Variants in VWA8 observed in about 807,000 individuals in gnomAD.
The protein encoded by VWA8 is von Willebrand factor A domain containing 8.
In VWA8, 221 loss-of-function variants were observed where a neutral mutation model predicts 241.5. The ratio of observed to expected loss-of-function variants is 0.91; its 90% CI spans 0.82 to 1.02. VWA8 has a LOEUF of 1.02. Ranked by LOEUF, VWA8 falls within the 50% of genes least tolerant of loss-of-function variation. VWA8 has a pLI of 0.00. For missense variants in VWA8, 2,322 were observed against 2,328.7 expected, an observed-to-expected ratio of 1.00 and a Z score of 0.06; for synonymous variants, 852 against 827.1, an observed-to-expected ratio of 1.03 and a Z score of -0.52.
intron 39 of VWA8, among the ~76,000 whole-genome samples, chr13:41,610,998 T>C (rs908381631): frequency 1.3e-5 from 2 of 152,120 alleles, no homozygotes; most frequent in Admixed American, 1.3e-4. Context: ...TTATCCTGAG[T>C]GGGCTAGCTG....
At chr13:41,739,847 TGTTTTTTTTG>T (rs1566436428) in intron 21 of VWA8, among the ~76,000 whole-genome samples, 17 of 66,754 alleles carry the variant, frequency 2.5e-4, no homozygotes, top group South Asian at 5.5e-4. Flanking sequence ...TTGTTTTTTT[TGTTTTTTTTG>T]TTTTTTTTTT....
chr13:41,819,705 C>T (rs904186915), intron 14 of VWA8, among the ~76,000 whole-genome samples: 2 of 152,154 alleles, frequency 1.3e-5, no homozygotes, highest in Admixed American at 6.5e-5. Flanking sequence ...GAAATAAAAT[C>T]CCATCCAGTT....
At chr13:41,601,389 T>C (rs1402980677) in intron 40 of VWA8, among the ~76,000 whole-genome samples, 2 of 152,102 alleles carry the variant, frequency 1.3e-5, no homozygotes, top group Admixed American at 6.6e-5. Context: ...ACTATTTATC[T>C]GAACAAAAGC....
intron 37 of VWA8, among the ~76,000 whole-genome samples, chr13:41,628,839 G>A (rs952747230): frequency 1.3e-4 from 20 of 152,204 alleles, no homozygotes; most frequent in East Asian, 3.9e-4. Context: ...TCAAGAGATC[G>A]AGACCATCCT....
In VWA8 at chr13:41,868,363, T is replaced by A; in HGVS notation, c.1195A>T (p.Lys399Ter). The change falls in exon 10 of 45, where the codon AAA becomes TAA. Residue 399 changes from lysine to a stop codon, truncating the protein, a stop_gained. Coordinates refer to ENST00000379310, the MANE Select transcript of VWA8 (RefSeq NM_015058.2). LOFTEE classifies it high-confidence loss of function. ...TTAATTACCTTAATGGTCACCTCTTTATCTGCAATCCGGATGGTCACAGAA... is the reference window on the plus strand; with the variant it reads ...TTAATTACCTTAATGGTCACCTCTTAATCTGCAATCCGGATGGTCACAGAA... ...QASVTIRIAD[K>*]EVTIKVPAGT... 6.2e-7 allele frequency: 1 copy of A among 1,614,092 alleles called. No homozygotes were observed. Among genetic ancestry groups the A allele is most frequent in the Non-Finnish European group, 8.5e-7 (1 of 1,180,000 alleles).
intron 21 of VWA8, among the ~76,000 whole-genome samples, chr13:41,755,281 C>A (rs1326191933): frequency 6.6e-6 from 1 of 151,992 alleles, no homozygotes. Context: ...TTGCTATTGA[C>A]TGACTTTTGG....
chr13:41,640,582 A>G (rs1446105191), intron 37 of VWA8, among the ~76,000 whole-genome samples: 1 of 152,240 alleles, frequency 6.6e-6, no homozygotes, highest in African/African-American at 2.4e-5. Context: ...CAGTGATTTA[A>G]AAATCATGTA....
intron 37 of VWA8, among the ~76,000 whole-genome samples, chr13:41,630,630 T>G (rs2044720286): frequency 6.6e-6 from 1 of 152,096 alleles, no homozygotes; most frequent in Admixed American, 6.6e-5. Flanking sequence ...CAAAGAACTT[T>G]CTCACTGGAA....
In VWA8 at chr13:41,891,783, T is replaced by C. The variant is rs755817520; in HGVS notation, c.484-196A>G. The stretch of plus-strand genomic sequence containing the variant: ...GTGATTTTACCTCTTTGGGCCTGTT[T>C]ATTCGTTTGTAAAATAAAGGGATTG... On this transcript the variant is annotated intron_variant, in intron 4 of 44. Coordinates refer to ENST00000379310, the MANE Select transcript of VWA8 (RefSeq NM_015058.2). 2.0e-5 allele frequency among the ~76,000 whole-genome samples: 3 copies of C among 152,216 alleles called. No individual in the cohort carries two copies. The South Asian group carries it at 6.2e-4, about 32-fold the overall frequency.
intron 31 of VWA8, 33 bp downstream of exon 31, chr13:41,691,841 T>A: frequency 6.6e-7 from 1 of 1,511,212 alleles, no homozygotes; most frequent in South Asian, 1.2e-5. Context: ...AAATAAGAAC[T>A]CCAGTTTAAA....
rs2045646819 is a variant in VWA8, at chr13:41,750,466, AAAAC to A, written c.2426+10658_2426+10661del. Among the ~76,000 whole-genome samples, 4 of 134,010 alleles carry A rather than the reference AAAAC, an allele frequency of 3.0e-5. No individual in the cohort carries two copies. In the South Asian group the frequency reaches 9.9e-4, roughly 33 times the overall value. The allele number at this position is 134,010 out of a possible 152,430, so 87.9% of individuals were successfully genotyped here. On this transcript the variant is annotated intron_variant, in intron 21 of 44. Coordinates refer to ENST00000379310, the MANE Select transcript of VWA8 (RefSeq NM_015058.2). ...CAACAACAACAACAACAACAAAACA[AAAAC>A]AAAAAAAAAAGGAAAAAAAGAAAGG...
intron 39 of VWA8, among the ~76,000 whole-genome samples, chr13:41,611,292 C>A (rs1448183094): frequency 6.6e-6 from 1 of 152,178 alleles, no homozygotes; most frequent in Non-Finnish European, 1.5e-5. Flanking sequence ...AGGAAGGGAC[C>A]ATTGTGTAGA....
intron 15 of VWA8, among the ~76,000 whole-genome samples, chr13:41,818,745 T>G (rs1386851893): frequency 6.6e-6 from 1 of 152,150 alleles, no homozygotes; most frequent in East Asian, 1.9e-4. Flanking sequence ...GTTACAGTCT[T>G]GAGAGACCAG....
intron 5 of VWA8, among the ~76,000 whole-genome samples, chr13:41,888,430 G>A (rs781505613): frequency 6.6e-6 from 1 of 152,032 alleles, no homozygotes; most frequent in East Asian, 1.9e-4. Context: ...ACCAGTACAC[G>A]CCCGTCCCCT....
chr13:41,907,312 G>C (rs2002046), intron 4 of VWA8, among the ~76,000 whole-genome samples: 21,275 of 152,064 alleles, frequency 0.14, 1,614 homozygotes, highest in East Asian at 0.18. Flanking sequence ...ATTTCTATAG[G>C]CAAGTAGTAG....
chr13:41,743,439 CA>C (rs1479792199), intron 21 of VWA8, among the ~76,000 whole-genome samples: 1 of 152,158 alleles, frequency 6.6e-6, no homozygotes, highest in African/African-American at 2.4e-5. Context: ...GTCACTTGAC[CA>C]AATTCTTACA....
Position 41,886,098 on chromosome 13 carries a change from T to TGTGTAAGTTGTTAAATATA in VWA8, c.867-71_867-70insTATATTTAACAACTTACAC. 3 of 1,023,462 alleles carry TGTGTAAGTTGTTAAATATA rather than the reference T, an allele frequency of 2.9e-6. No homozygotes were observed. In the South Asian group the frequency reaches 4.9e-5, roughly 17 times the overall value. 63.4% of individuals were successfully genotyped at this position (1,023,462 alleles called of 1,614,324 possible). A position where few individuals can be genotyped will look rare whatever the true frequency, so the allele number is the denominator to read the frequency against. ...AATGTGTAAGTTGTTAAATATAAAA[T>TGTGTAAGTTGTTAAATATA]ACAGGGGCCAATTTAATTAATCTAA... is the stretch of plus-strand genomic sequence containing the variant. On this transcript the variant is annotated intron_variant, in intron 7 of 44. Coordinates refer to ENST00000379310, the MANE Select transcript of VWA8 (RefSeq NM_015058.2).
At chr13:41,824,533 T>C (rs557913847) in intron 14 of VWA8, among the ~76,000 whole-genome samples, 1 of 152,214 alleles carries the variant, frequency 6.6e-6, no homozygotes, top group African/African-American at 2.4e-5. Context: ...TTTTAAAGAA[T>C]GCTCAGTATA....
intron 12 of VWA8, among the ~76,000 whole-genome samples, chr13:41,863,455 T>TATATTCACACA (rs1566485517): frequency 1.6e-4 from 14 of 87,184 alleles, no homozygotes; most frequent in African/African-American, 6.0e-4. Flanking sequence ...ATATATATAT[T>TATATTCACACA]CACACACACA....
Sources: allele counts gnomAD v4.1 joint callset (sites outside exome capture counted in the v4.1 genomes callset), GRCh38; gene constraint gnomAD v4.1.1; transcripts MANE v1.5; gene names NCBI Gene and HGNC (gene_info 2026-07-23, HGNC 2026-07-21).